The following BNC2 variants were observed in gnomAD, a reference collection of about 807,000 sequenced individuals.
BNC2 encodes the protein basonuclin zinc finger protein 2, also known as zinc finger protein basonuclin-2.
Under a neutral mutation model 76.3 loss-of-function variants are expected in BNC2, and 20 were observed. The observed-to-expected ratio is 0.26, with a 90% CI of 0.18 to 0.38. The LOEUF (loss-of-function observed/expected upper bound fraction) is 0.38. Among genes scored for constraint, BNC2 ranks in the 10% least tolerant of loss-of-function variants. The pLI, the probability that BNC2 is intolerant of heterozygous loss-of-function variation, is 1.00. For missense variants in BNC2, 1,382 were observed against 1,399.8 expected (o/e 0.99, Z 0.20); for synonymous variants, 582 against 514.8 (o/e 1.13, Z -1.77).
At position 16,592,100 on chromosome 9, in the gene BNC2, G is replaced by T. The variant is rs1009845609; in HGVS notation, c.331-9015C>A. Reference sequence around the variant, plus strand: ...CAAAAAGCTGGGCAATTTAAAGATGGTTAACCACCCCTCCCCTCCCCCCAA... The same window carrying T: ...CAAAAAGCTGGGCAATTTAAAGATGTTTAACCACCCCTCCCCTCCCCCCAA... On this transcript the variant is annotated intron_variant, in intron 3 of 6. Coordinates refer to ENST00000380672, the MANE Select transcript of BNC2 (RefSeq NM_017637.6). 2.0e-3 allele frequency among the ~76,000 whole-genome samples: 304 copies of T among 151,934 alleles called. 9 individuals carry two copies. The East Asian group carries it at 0.053, about 26-fold the overall frequency.
chr9:16,435,908 G>A lies in BNC2; in HGVS notation c.2286C>T (p.Asn762=), dbSNP rs1353597973. ...CGTCCTGGTGAGAGGGCTCACTGTG[G>A]TTCTCATCAGGCCTCTCACTATTCA... is the stretch of plus-strand genomic sequence containing the variant. ...VLMNSERPDE[N]HSEPSHQDVI... Residue 762 remains asparagine, a synonymous_variant, in exon 6 of 7, where the codon AAC becomes AAT. Coordinates refer to ENST00000380672, the MANE Select transcript of BNC2 (RefSeq NM_017637.6). 24 of 1,613,940 alleles carry A rather than the reference G, an allele frequency of 1.5e-5. No individual in the cohort carries two copies. Among genetic ancestry groups the A allele is most frequent in the Non-Finnish European group, 1.9e-5 (23 of 1,180,000 alleles).
intron 1 of BNC2, among the ~76,000 whole-genome samples, chr9:16,858,435 G>A (rs1211420919): frequency 6.6e-6 from 1 of 152,156 alleles, no homozygotes; most frequent in Non-Finnish European, 1.5e-5. Context: ...CTAAACAATA[G>A]AATGTACTTT....
intron 1 of BNC2, among the ~76,000 whole-genome samples, chr9:16,832,553 G>A (rs889160938): frequency 6.6e-6 from 1 of 152,034 alleles, no homozygotes; most frequent in Non-Finnish European, 1.5e-5. Context: ...CCGAACCCAA[G>A]TTCTATAATA....
intron 3 of BNC2, among the ~76,000 whole-genome samples, chr9:16,700,554 T>C (rs534285198): frequency 1.6e-4 from 24 of 152,308 alleles, no homozygotes; most frequent in Middle Eastern, 3.4e-3. Context: ...CAAGCAATCC[T>C]CCTGACTCAG....
At chr9:16,509,089 G>A (rs528205213) in intron 5 of BNC2, among the ~76,000 whole-genome samples, 6 of 152,038 alleles carry the variant, frequency 3.9e-5, no homozygotes, top group African/African-American at 1.4e-4. Context: ...GCCTCCCAAA[G>A]CATTGAGATT....
intron 3 of BNC2, among the ~76,000 whole-genome samples, chr9:16,710,052 G>T (rs1294438840): frequency 6.6e-6 from 1 of 151,768 alleles, no homozygotes; most frequent in African/African-American, 2.4e-5. Flanking sequence ...TTATTTTCAA[G>T]ACATTCATAT....
chr9:16,663,879 T>C (rs1822187107), intron 3 of BNC2, among the ~76,000 whole-genome samples: 1 of 152,194 alleles, frequency 6.6e-6, no homozygotes, highest in Admixed American at 6.5e-5. Flanking sequence ...ATTGAATAAA[T>C]GTACTGTTAA....
intron 1 of BNC2, among the ~76,000 whole-genome samples, chr9:16,833,343 G>A (rs778420839): frequency 1.6e-4 from 25 of 152,008 alleles, no homozygotes; most frequent in African/African-American, 5.8e-4. Flanking sequence ...TACCAGGATC[G>A]TCAAAAAGTA....
At chr9:16,796,675 G>C (rs1174077649) in intron 1 of BNC2, among the ~76,000 whole-genome samples, 1 of 151,794 alleles carries the variant, frequency 6.6e-6, no homozygotes, top group Non-Finnish European at 1.5e-5. Flanking sequence ...GAAAAGAAGA[G>C]AAAAGAAAGA....
At chr9:16,623,251 G>A (rs1044905400) in intron 3 of BNC2, among the ~76,000 whole-genome samples, 2 of 152,074 alleles carry the variant, frequency 1.3e-5, no homozygotes, top group Non-Finnish European at 2.9e-5. Flanking sequence ...TTGAAAGTGC[G>A]GCATACAAGA....
intron 1 of BNC2, among the ~76,000 whole-genome samples, chr9:16,851,108 TTAGTA>T (rs1219238355): frequency 6.6e-6 from 1 of 151,994 alleles, no homozygotes; most frequent in Non-Finnish European, 1.5e-5. Context: ...AGTGTATTCA[TTAGTA>T]TAGTAATTAT....
At chr9:16,632,498 A>C (rs980092818) in intron 3 of BNC2, among the ~76,000 whole-genome samples, 11 of 151,348 alleles carry the variant, frequency 7.3e-5, no homozygotes, top group African/African-American at 2.7e-4. Flanking sequence ...CATTCTGCCA[A>C]ACTGATGAAC....
intron 3 of BNC2, among the ~76,000 whole-genome samples, chr9:16,625,048 A>G (rs891255202): frequency 4.6e-5 from 7 of 152,238 alleles, no homozygotes; most frequent in South Asian, 2.1e-4. Flanking sequence ...TTAACATTCA[A>G]TAACTAAGTG....
rs1361532411 is a variant in BNC2 at position 16,436,319 on chromosome 9, A to C, written c.1875T>G (p.Ala625=). The C allele has an allele frequency of 3.7e-6, 6 of 1,614,048 alleles. No individual in the cohort carries two copies. In the Admixed American group the frequency reaches 8.3e-5, roughly 22 times the overall value. Residue 625 remains alanine, a synonymous_variant, in exon 6 of 7, where the codon GCT becomes GCG. Transcript: ENST00000380672. ...TGGGCTTTTTCTTGGGTGCCAGGTCAGCACTGGGCTCATGGGTGGCCATCA... is the reference window on the plus strand; with the variant it reads ...TGGGCTTTTTCTTGGGTGCCAGGTCCGCACTGGGCTCATGGGTGGCCATCA... ...AVMMATHEPS[A]DLAPKKKPRK...
chr9:16,462,793 C>T (rs1217367982), intron 5 of BNC2, among the ~76,000 whole-genome samples: 3 of 152,110 alleles, frequency 2.0e-5, no homozygotes, highest in Non-Finnish European at 2.9e-5. Flanking sequence ...AGAGATGCCC[C>T]TCCCTCTTTC....
intron 3 of BNC2, among the ~76,000 whole-genome samples, chr9:16,710,827 T>G: frequency 6.6e-6 from 1 of 152,126 alleles, no homozygotes; most frequent in East Asian, 1.9e-4. Context: ...AGGTCCTTCA[T>G]GCAATCAACT....
chr9:16,597,239 A>G (rs555234256), intron 3 of BNC2, among the ~76,000 whole-genome samples: 2 of 152,292 alleles, frequency 1.3e-5, no homozygotes, highest in South Asian at 2.1e-4. Flanking sequence ...TTATTTTTAA[A>G]AAGAGCCTTA....
At chr9:16,643,055 A>T (rs1238530521) in intron 3 of BNC2, among the ~76,000 whole-genome samples, 1 of 152,206 alleles carries the variant, frequency 6.6e-6, no homozygotes, top group African/African-American at 2.4e-5. Flanking sequence ...AAACTGAGCT[A>T]TGATTATCAC....
At position 16,413,503 on chromosome 9, in the gene BNC2, T is replaced by C. The variant is rs1462569141; in HGVS notation, c.*5486A>G. ...ACAGTATGCCGAATAACATAGTTATTGCCGAATGAGCACAGAAAATCATTT... is the reference window on the plus strand; with the variant it reads ...ACAGTATGCCGAATAACATAGTTATCGCCGAATGAGCACAGAAAATCATTT... On this transcript the variant is annotated 3_prime_UTR_variant, in exon 7 of 7. Transcript: ENST00000380672. 1 of 152,176 alleles carries C rather than the reference T, an allele frequency of 6.6e-6. No individual in the cohort carries two copies. The highest frequency in any genetic ancestry group is 1.5e-5 in the Non-Finnish European group (1 of 68,038). The allele number at this position is 152,176 out of a possible 1,614,324, so 9.4% of individuals were successfully genotyped here. A position where few individuals can be genotyped will look rare whatever the true frequency, so the allele number is the denominator to read the frequency against.
Sources: gnomAD v4.1 joint callset for allele counts (sites outside exome capture counted in the v4.1 genomes callset) on GRCh38, gnomAD v4.1.1 for gene constraint, MANE v1.5 for transcripts, NCBI Gene and HGNC (gene_info 2026-07-23, HGNC 2026-07-21) for gene names.